Variants in MED27 observed in about 807,000 individuals in gnomAD.
MED27 encodes the protein mediator complex subunit 27, also known as mediator of RNA polymerase II transcription subunit 27.
A neutral mutation model predicts 38.2 loss-of-function variants in MED27; 30 were observed. The ratio of observed to expected loss-of-function variants is 0.79; its 90% CI spans 0.59 to 1.07. MED27 has a LOEUF of 1.07. Ranked by LOEUF, MED27 falls within the 50% of genes least tolerant of loss-of-function variation. The probability of loss-of-function intolerance (pLI) is 0.00; values close to 1 mark genes in which losing one functional copy is unlikely to be tolerated. For synonymous variants in MED27, 122 were observed against 153.5 expected (o/e 0.79, Z 1.52); for missense variants, 289 against 397.5 (o/e 0.73, Z 2.32).
At chr9:131,890,129 G>A (rs114907404) in intron 5 of MED27, among the ~76,000 whole-genome samples, 2,022 of 152,216 alleles carry the variant, frequency 0.013, 44 homozygotes, top group African/African-American at 0.045. Context: ...CACTAATAAT[G>A]TCTGCATGGT....
At chr9:131,898,679 A>G (rs1408249449) in intron 4 of MED27, among the ~76,000 whole-genome samples, 2 of 151,680 alleles carry the variant, frequency 1.3e-5, no homozygotes, top group Admixed American at 6.6e-5. Flanking sequence ...CTCCCTTCAA[A>G]GTTCAAGCGA....
Position 132,036,764 on chromosome 9 carries a change from C to T in MED27, c.349-22297G>A, listed in dbSNP as rs117232341. The stretch of plus-strand genomic sequence containing the variant: ...CTATTTCCAGGTACAGTGTTAGGTG[C>T]TAATAAAGCTTGGAACCTCAAAGAG... On this transcript the variant is annotated intron_variant, in intron 2 of 7. Coordinates refer to ENST00000292035, the MANE Select transcript of MED27 (RefSeq NM_004269.4). 2.6e-3 allele frequency among the ~76,000 whole-genome samples: 389 copies of T among 152,254 alleles called. 1 individual carries two copies. The highest frequency in any genetic ancestry group is 4.7e-3 in the Non-Finnish European group (322 of 68,020).
At chr9:131,947,149 A>G (rs563060402) in intron 3 of MED27, among the ~76,000 whole-genome samples, 2 of 152,182 alleles carry the variant, frequency 1.3e-5, no homozygotes, top group Non-Finnish European at 2.9e-5. Context: ...CGGAGACCCA[A>G]ATTAGGCCAT....
chr9:131,993,245 A>T (rs963136422), intron 3 of MED27, among the ~76,000 whole-genome samples: 26 of 149,890 alleles, frequency 1.7e-4, no homozygotes, highest in East Asian at 1.6e-3. Flanking sequence ...TTTTTTTTTA[A>T]AAAATTCAAG....
intron 2 of MED27, among the ~76,000 whole-genome samples, chr9:132,022,542 C>T (rs1832738625): frequency 6.6e-6 from 1 of 152,158 alleles, no homozygotes; most frequent in Non-Finnish European, 1.5e-5. Context: ...CGCTTGACTT[C>T]CTAGTACAAA....
chr9:131,860,750 T>C lies in MED27; in HGVS notation c.802-78A>G. On this transcript the variant is annotated intron_variant, in intron 7 of 7. Transcript: ENST00000292035. The surrounding 1 kb of genome is among the most constrained non-coding windows in gnomAD (Gnocchi z 5.8). ...AAGTCCTCCTTCCTATCAAGCCTAA[T>C]GGCCCAGACAACTTAAGTTGGCTTT... is the stretch of plus-strand genomic sequence containing the variant. 6.5e-7 allele frequency: 1 copy of C among 1,534,260 alleles called. No homozygotes were observed. The highest frequency in any genetic ancestry group is 8.9e-7 in the Non-Finnish European group (1 of 1,128,630).
At chr9:131,999,041 G>A (rs1832161171) in intron 3 of MED27, among the ~76,000 whole-genome samples, 1 of 152,148 alleles carries the variant, frequency 6.6e-6, no homozygotes, top group South Asian at 2.1e-4. Context: ...ATTTAAGACT[G>A]TGAGAGACTT....
chr9:132,057,304 T>G (rs546496409), intron 2 of MED27, among the ~76,000 whole-genome samples: 3 of 152,326 alleles, frequency 2.0e-5, no homozygotes, highest in South Asian at 4.1e-4. Flanking sequence ...AGCCTTAGCG[T>G]CCTCATCCGG....
chr9:132,012,281 A>G (rs542890991), intron 3 of MED27, among the ~76,000 whole-genome samples: 5 of 152,366 alleles, frequency 3.3e-5, no homozygotes, highest in Admixed American at 3.3e-4. Flanking sequence ...GAATCACCAA[A>G]TCGACACATG....
intron 2 of MED27, among the ~76,000 whole-genome samples, chr9:132,055,317 A>G (rs1016555288): frequency 2.0e-5 from 3 of 152,202 alleles, no homozygotes; most frequent in African/African-American, 7.2e-5. Context: ...CTGAATCTAT[A>G]AGGAACTGGA....
chr9:131,973,457 C>CTTTTTTTTTTT (rs747946439), intron 3 of MED27, among the ~76,000 whole-genome samples: 75 of 122,142 alleles, frequency 6.1e-4, no homozygotes, highest in Middle Eastern at 4.0e-3. Flanking sequence ...TTTTTCTTTT[C>CTTTTTTTTTTT]TTTTTTTTTT....
At chr9:131,922,613 GTATTTT>G (rs1470560961) in intron 4 of MED27, among the ~76,000 whole-genome samples, 1 of 148,680 alleles carries the variant, frequency 6.7e-6, no homozygotes, top group African/African-American at 2.5e-5. Context: ...GCTAATTTTT[GTATTTT>G]TATTTTTATT....
chr9:132,040,992 T>C (rs776625281), intron 2 of MED27, among the ~76,000 whole-genome samples: 9 of 152,100 alleles, frequency 5.9e-5, no homozygotes, highest in Non-Finnish European at 1.2e-4. Context: ...AGGCGTACAA[T>C]TTATCTGGAA....
intron 3 of MED27, among the ~76,000 whole-genome samples, chr9:131,943,533 T>G (rs1228963884): frequency 4.6e-5 from 7 of 152,136 alleles, no homozygotes. Flanking sequence ...TGTGCTCCCC[T>G]CCTACACTTC....
intron 3 of MED27, among the ~76,000 whole-genome samples, chr9:131,939,780 C>T (rs1469019020): frequency 6.6e-6 from 1 of 152,168 alleles, no homozygotes; most frequent in Non-Finnish European, 1.5e-5. Flanking sequence ...CTCCCTTTGT[C>T]CTTCCAGTCC....
At chr9:132,055,273 C>T (rs1833551587) in intron 2 of MED27, among the ~76,000 whole-genome samples, 2 of 152,182 alleles carry the variant, frequency 1.3e-5, no homozygotes, top group Admixed American at 6.5e-5. Context: ...CCAATATTTC[C>T]TGAAACAAGG....
chr9:132,002,126 C>T (rs1397796212), intron 3 of MED27, among the ~76,000 whole-genome samples: 2 of 152,188 alleles, frequency 1.3e-5, no homozygotes, highest in African/African-American at 4.8e-5. Context: ...CCTGACCACT[C>T]CTCCTAAGGG....
At chr9:131,973,446 CT>C (rs1160429788) in intron 3 of MED27, among the ~76,000 whole-genome samples, 46 of 141,446 alleles carry the variant, frequency 3.3e-4, no homozygotes, top group African/African-American at 1.0e-3. Context: ...TTCTTTTTTT[CT>C]TTTTCTTTTC....
intron 2 of MED27, among the ~76,000 whole-genome samples, chr9:132,037,829 G>C (rs911448558): frequency 1.3e-5 from 2 of 152,122 alleles, no homozygotes; most frequent in East Asian, 3.8e-4. Context: ...AGCTTTGGCT[G>C]ACACACAACA....
Sources: gnomAD v4.1 joint callset for allele counts (sites outside exome capture counted in the v4.1 genomes callset) on GRCh38, gnomAD v4.1.1 for gene constraint, Gnocchi (gnomAD v3.1) non-coding constraint, MANE v1.5 for transcripts, NCBI Gene and HGNC (gene_info 2026-07-23, HGNC 2026-07-21) for gene names.